EXOC2: variants seen among roughly 807,000 people sequenced by gnomAD.
The protein encoded by EXOC2 is exocyst complex component 2.
EXOC2 carries 70 observed loss-of-function variants against 131.8 expected under a neutral mutation model. The observed-to-expected ratio is 0.53, with a 90% CI of 0.44 to 0.65. The LOEUF (loss-of-function observed/expected upper bound fraction) is 0.65. Ranked by LOEUF, EXOC2 falls within the 30% of genes least tolerant of loss-of-function variation. The pLI, the probability that EXOC2 is intolerant of heterozygous loss-of-function variation, is 0.00. For synonymous variants in EXOC2, 411 were observed against 398.4 expected (o/e 1.03, Z -0.38); for missense variants, 923 against 1,108.6 (o/e 0.83, Z 2.38).
Position 486,458 on chromosome 6 carries a change from A to G in EXOC2, c.*213T>C. 1.9e-6 allele frequency: 1 copy of G among 527,772 alleles called. No homozygotes were observed. The highest frequency in any genetic ancestry group is 3.4e-5 in the Admixed American group (1 of 29,068). 32.7% of individuals were successfully genotyped at this position (527,772 alleles called of 1,614,324 possible). ...GTATTTTAAAGTCATACAGGATCTG[A>G]TCTAGTAAGAATGGCAAAACAAATA... On this transcript the variant is annotated 3_prime_UTR_variant, in exon 28 of 28. Coordinates refer to ENST00000230449, the MANE Select transcript of EXOC2 (RefSeq NM_018303.6).
chr6:562,166 TGA>T (rs1757732143), intron 17 of EXOC2, among the ~76,000 whole-genome samples: 1 of 152,178 alleles, frequency 6.6e-6, no homozygotes, highest in South Asian at 2.1e-4. Context: ...CAGGCTGCTG[TGA>T]GAGACAGAAG....
At position 512,232 on chromosome 6, in the gene EXOC2, G is replaced by A. The variant is rs141647795; in HGVS notation, c.2381-12532C>T. ...GCAAACTCAATTCCAGTTGGTCCAC[G>A]AACAATACAGGTTTGAACCGCGTGG... On this transcript the variant is annotated intron_variant, in intron 23 of 27. Coordinates refer to ENST00000230449, the MANE Select transcript of EXOC2 (RefSeq NM_018303.6). Among the ~76,000 whole-genome samples the A allele has an allele frequency of 1.1e-4, 16 of 152,318 alleles. No individual in the cohort carries two copies. In the East Asian group the frequency reaches 2.1e-3, roughly 20 times the overall value.
At chr6:596,121 A>G (rs1483565467) in intron 10 of EXOC2, among the ~76,000 whole-genome samples, 2 of 151,948 alleles carry the variant, frequency 1.3e-5, no homozygotes, top group African/African-American at 4.9e-5. Context: ...CATGTAGAAC[A>G]CATCCCGCAC....
chr6:503,892 G>A (rs566839333), intron 23 of EXOC2, among the ~76,000 whole-genome samples: 95 of 152,278 alleles, frequency 6.2e-4, no homozygotes, highest in African/African-American at 2.0e-3. Flanking sequence ...TGTCCCGTGG[G>A]CTCTTGGGTC....
chr6:682,200 T>TTTC (rs199818757), intron 1 of EXOC2, among the ~76,000 whole-genome samples: 10 of 91,284 alleles, frequency 1.1e-4, no homozygotes, highest in African/African-American at 2.5e-4. Context: ...TCCCAGTTTC[T>TTTC]TTTTTTTTTT....
intron 17 of EXOC2, among the ~76,000 whole-genome samples, chr6:557,933 C>T (rs1757509895): frequency 1.3e-5 from 2 of 151,900 alleles, no homozygotes; most frequent in African/African-American, 2.4e-5. Context: ...AGGCTTCATC[C>T]GGAGCAGCGA....
chr6:531,511 G>A (rs1766085151), intron 23 of EXOC2, among the ~76,000 whole-genome samples: 1 of 145,498 alleles, frequency 6.9e-6, no homozygotes, highest in Admixed American at 6.8e-5. Flanking sequence ...AGTAACTGTG[G>A]CTAATTTAAT....
In EXOC2 at chr6:486,578, A is replaced by T; in HGVS notation, c.*93T>A. On this transcript the variant is annotated 3_prime_UTR_variant, in exon 28 of 28. Transcript: ENST00000230449. ...GAAAAAAGAGAAAAATGGCAAACCC[A>T]ATGTTTAATACACCAAATACCTTTA... is the stretch of plus-strand genomic sequence containing the variant. The T allele has an allele frequency of 8.7e-7, 1 of 1,149,730 alleles. No homozygotes were observed. The highest frequency in any genetic ancestry group is 2.4e-5 in the East Asian group (1 of 41,082). 71.2% of individuals were successfully genotyped at this position (1,149,730 alleles called of 1,614,324 possible).
chr6:677,718 C>T (rs889730376), intron 1 of EXOC2, among the ~76,000 whole-genome samples: 4 of 152,154 alleles, frequency 2.6e-5, no homozygotes, highest in Non-Finnish European at 4.4e-5. Context: ...CCGCTTGCCT[C>T]GGCCTCCCAA....
At chr6:540,030 T>C (rs1272964592) in intron 22 of EXOC2, among the ~76,000 whole-genome samples, 2 of 152,204 alleles carry the variant, frequency 1.3e-5, no homozygotes, top group African/African-American at 4.8e-5. Context: ...AAACAGGATA[T>C]ACTGTCACCT....
At chr6:678,591 G>A (rs926517343) in intron 1 of EXOC2, among the ~76,000 whole-genome samples, 1 of 152,238 alleles carries the variant, frequency 6.6e-6, no homozygotes. Flanking sequence ...AACATTCTAA[G>A]ATTTGTGCTG....
In EXOC2 at chr6:622,786, A is replaced by G. The variant is rs372635706; in HGVS notation, c.423-3243T>C. Among the ~76,000 whole-genome samples, 17 of 152,350 alleles carry G rather than the reference A, an allele frequency of 1.1e-4. No homozygotes were observed. In the East Asian group the frequency reaches 1.2e-3, roughly 10 times the overall value. ...AAATTGGTGGTACTGATGGTACTGA[A>G]CAATGTAAACCAGCAGCTCAGAGCT... On this transcript the variant is annotated intron_variant, in intron 4 of 27. Coordinates refer to ENST00000230449, the MANE Select transcript of EXOC2 (RefSeq NM_018303.6).
intron 22 of EXOC2, among the ~76,000 whole-genome samples, chr6:533,385 T>A (rs1766220359): frequency 6.6e-6 from 1 of 152,130 alleles, no homozygotes; most frequent in African/African-American, 2.4e-5. Context: ...CAATAGAAAA[T>A]AAGCCTGCTC....
intron 1 of EXOC2, among the ~76,000 whole-genome samples, chr6:658,652 T>TAC (rs1280351405): frequency 1.3e-5 from 1 of 77,598 alleles, no homozygotes; most frequent in East Asian, 5.0e-4. Flanking sequence ...ATTTTATATA[T>TAC]ATATATATAT....
chr6:557,820 G>A (rs1005827851), intron 17 of EXOC2, among the ~76,000 whole-genome samples: 1 of 152,048 alleles, frequency 6.6e-6, no homozygotes, highest in Non-Finnish European at 1.5e-5. Flanking sequence ...TACCCACCCC[G>A]CAGAGTGGGC....
chr6:614,966 C>CA (rs1760908471), intron 6 of EXOC2, among the ~76,000 whole-genome samples: 1 of 151,370 alleles, frequency 6.6e-6, no homozygotes, highest in Non-Finnish European at 1.5e-5. Flanking sequence ...TTTAAAAACA[C>CA]AAAAAAGATA....
intron 22 of EXOC2, among the ~76,000 whole-genome samples, chr6:539,127 A>G (rs1023773485): frequency 2.0e-5 from 3 of 152,284 alleles, no homozygotes; most frequent in African/African-American, 4.8e-5. Flanking sequence ...GATATTTTCA[A>G]TTTTGGAAGG....
Position 592,514 on chromosome 6 carries a change from G to C in EXOC2, c.1147C>G (p.Gln383Glu). Reference sequence around the variant, plus strand: ...CCCTCTTTGCAACTGTGCATGAGCTGAAGGATCCACTTGTGTTGGGCTCCA... The same window carrying C: ...CCCTCTTTGCAACTGTGCATGAGCTCAAGGATCCACTTGTGTTGGGCTCCA... ...CIGAQHKWIL[Q>E]LMHSCKEGYV... Residue 383 changes from glutamine to glutamate, a missense_variant, in exon 11 of 28, where the codon CAG becomes GAG. Coordinates refer to ENST00000230449, the MANE Select transcript of EXOC2 (RefSeq NM_018303.6). 2 of 1,614,098 alleles carry C rather than the reference G, an allele frequency of 1.2e-6. No homozygotes were observed. The highest frequency in any genetic ancestry group is 1.7e-6 in the Non-Finnish European group (2 of 1,180,006).
intron 22 of EXOC2, among the ~76,000 whole-genome samples, chr6:542,035 T>C (rs1756587422): frequency 6.6e-6 from 1 of 152,226 alleles, no homozygotes; most frequent in South Asian, 2.1e-4. Flanking sequence ...TATAATCTTA[T>C]TTATGCTAAT....
Sources: allele counts gnomAD v4.1 joint callset (sites outside exome capture counted in the v4.1 genomes callset), GRCh38; gene constraint gnomAD v4.1.1; transcripts MANE v1.5; gene names NCBI Gene and HGNC (gene_info 2026-07-23, HGNC 2026-07-21).